Variants in USP15 observed in about 807,000 individuals in gnomAD.
USP15 encodes the protein ubiquitin carboxyl-terminal hydrolase 15.
Under a neutral mutation model 127.1 loss-of-function variants are expected in USP15, and 18 were observed. That is an observed-to-expected ratio of 0.14 (90% CI 0.10 to 0.21). USP15 has a LOEUF of 0.21. Ranked by LOEUF, USP15 falls within the 10% of genes least tolerant of loss-of-function variation. The probability of loss-of-function intolerance (pLI) is 1.00; values close to 1 mark genes in which losing one functional copy is unlikely to be tolerated. For synonymous variants in USP15, 364 were observed against 393.7 expected, an observed-to-expected ratio of 0.92 and a Z score of 0.89; for missense variants, 805 against 1,159.9, an observed-to-expected ratio of 0.69 and a Z score of 4.44.
At chr12:62,305,766 C>T (rs930811829) in intron 3 of USP15, 9 of 152,176 alleles carry the variant, frequency 5.9e-5, no homozygotes, top group African/African-American at 1.9e-4. Flanking sequence ...TCCCCAGCTC[C>T]TCATATCCAT....
At position 62,381,565 on chromosome 12, in the gene USP15, C is replaced by A; in HGVS notation, c.991C>A (p.Pro331Thr). The change falls in exon 9 of 22, where the codon CCC becomes ACC. Residue 331 changes from proline (P) to threonine (T), a missense_variant. Around this residue, in one of 11 missense-constraint regions of USP15, gnomAD observed 84 missense variants for 210.3 expected, o/e 0.40. Transcript: ENST00000280377. Reference protein sequence around the residue: ...KYQEELNFDNPLGMRGEIAKS... With the variant: ...KYQEELNFDNTLGMRGEIAKS... Reference sequence around the variant, plus strand: ...TCAAGAAGAACTGAATTTTGACAATCCCTTAGGAATGAGAGGTGAAATAGC... The same window carrying A: ...TCAAGAAGAACTGAATTTTGACAATACCTTAGGAATGAGAGGTGAAATAGC... The A allele has an allele frequency of 6.2e-7, 1 of 1,613,092 alleles. No individual in the cohort carries two copies. The highest frequency in any genetic ancestry group is 8.5e-7 in the Non-Finnish European group (1 of 1,179,294).
intron 6 of USP15, among the ~76,000 whole-genome samples, chr12:62,346,606 T>G (rs2137408834): frequency 6.6e-6 from 1 of 152,282 alleles, no homozygotes; most frequent in Non-Finnish European, 1.5e-5. Flanking sequence ...CCTTATTAAT[T>G]CTTACCTTTG....
At chr12:62,336,190 C>A in intron 6 of USP15, 1 of 985,274 alleles carries the variant, frequency 1.0e-6, no homozygotes, top group Non-Finnish European at 1.2e-6. Context: ...TATGCTAATC[C>A]TCTCCCCCAG....
intron 14 of USP15, among the ~76,000 whole-genome samples, chr12:62,390,559 A>T (rs2067292287): frequency 6.6e-6 from 1 of 152,132 alleles, no homozygotes; most frequent in Non-Finnish European, 1.5e-5. Flanking sequence ...AGATCACATT[A>T]TACAAATATA....
intron 11 of USP15, among the ~76,000 whole-genome samples, chr12:62,385,952 G>C (rs552963094): frequency 6.6e-6 from 1 of 152,044 alleles, no homozygotes; most frequent in East Asian, 1.9e-4. Flanking sequence ...ATAATATAAG[G>C]TAATCTATAT....
chr12:62,358,568 T>C (rs549684576), intron 8 of USP15, among the ~76,000 whole-genome samples: 83 of 151,850 alleles, frequency 5.5e-4, no homozygotes, highest in Non-Finnish European at 1.0e-3. Context: ...ATACAAAAAT[T>C]AGCCGGGCAT....
intron 7 of USP15, among the ~76,000 whole-genome samples, chr12:62,351,291 CA>C (rs965238826): frequency 1.4e-5 from 2 of 144,920 alleles, no homozygotes; most frequent in African/African-American, 5.1e-5. Flanking sequence ...GTGCACAGGC[CA>C]AAAAAAAAGA....
At chr12:62,366,995 A>G (rs1351198271) in intron 8 of USP15, among the ~76,000 whole-genome samples, 1 of 152,126 alleles carries the variant, frequency 6.6e-6, no homozygotes, top group Non-Finnish European at 1.5e-5. Context: ...CATCAGGGAT[A>G]TTGGCCTGAA....
chr12:62,353,402 G>A (rs2066020479), intron 7 of USP15, among the ~76,000 whole-genome samples: 1 of 151,972 alleles, frequency 6.6e-6, no homozygotes, highest in Non-Finnish European at 1.5e-5. Context: ...TGTTACACGT[G>A]GGGAGAGACA....
Position 62,321,469 on chromosome 12 carries a change from A to G in USP15, c.481A>G (p.Ile161Val), listed in dbSNP as rs531414415. The G allele has an allele frequency of 4.5e-6, 7 of 1,569,132 alleles. No individual in the cohort carries two copies. The highest frequency in any genetic ancestry group is 2.3e-5 in the South Asian group (2 of 86,370). Residue 161 changes from isoleucine (I) to valine (V), a missense_variant, in exon 5 of 22, where the codon ATT becomes GTT. Around this residue, in one of 11 missense-constraint regions of USP15, gnomAD observed 57 missense variants for 47.3 expected, o/e 1.20. Coordinates refer to ENST00000280377, the MANE Select transcript of USP15 (RefSeq NM_001252078.2). ...TCTTTCCTCCTTAAATCTAGATACA[A>G]TTGAAAAGGAAATAAGAAAAATCTT... is the stretch of plus-strand genomic sequence containing the variant. ...RFSKADTIDT[I>V]EKEIRKIFSI...
chr12:62,278,198 C>G (rs1361056865), intron 1 of USP15, among the ~76,000 whole-genome samples: 1 of 152,132 alleles, frequency 6.6e-6, no homozygotes, highest in Admixed American at 6.5e-5. Flanking sequence ...TATCTTGTCC[C>G]ATTGGAAGGT....
At chr12:62,273,837 C>T (rs2063406701) in intron 1 of USP15, among the ~76,000 whole-genome samples, 1 of 151,970 alleles carries the variant, frequency 6.6e-6, no homozygotes, top group Non-Finnish European at 1.5e-5. Flanking sequence ...AAGATACTCA[C>T]TTTGAAAATA....
chr12:62,330,838 A>T (rs1324621292), intron 6 of USP15, among the ~76,000 whole-genome samples: 2 of 150,266 alleles, frequency 1.3e-5, no homozygotes, highest in Admixed American at 1.3e-4. Context: ...GGGTGGGAAG[A>T]TTGCATGAGC....
At chr12:62,305,062 G>A (rs1034174881) in intron 3 of USP15, among the ~76,000 whole-genome samples, 2 of 152,016 alleles carry the variant, frequency 1.3e-5, no homozygotes, top group African/African-American at 4.8e-5. Flanking sequence ...AAAAGCTAAG[G>A]CATAAATGGA....
chr12:62,398,001 T>A (rs987034337), intron 20 of USP15, among the ~76,000 whole-genome samples: 1 of 24,866 alleles, frequency 4.0e-5, no homozygotes, highest in Non-Finnish European at 1.0e-4. Flanking sequence ...TATCTATACG[T>A]TTTTTTTTTG....
At chr12:62,370,561 G>A (rs1262973318) in intron 8 of USP15, among the ~76,000 whole-genome samples, 1 of 152,118 alleles carries the variant, frequency 6.6e-6, no homozygotes, top group Non-Finnish European at 1.5e-5. Flanking sequence ...AAAGTGCTTA[G>A]GAAGTGCTTG....
In USP15 at chr12:62,391,900, C is replaced by T; in HGVS notation, c.2304+14C>T. ...AATGCTGCTGAGGTAAGTCATCACT[C>T]ACTCACTTATTTACCTTTCCTTGAT... is the stretch of plus-strand genomic sequence containing the variant. On this transcript the variant is annotated intron_variant, in intron 17 of 21. Coordinates refer to ENST00000280377, the MANE Select transcript of USP15 (RefSeq NM_001252078.2). 1.3e-6 allele frequency: 2 copies of T among 1,598,796 alleles called. No individual in the cohort carries two copies. The highest frequency in any genetic ancestry group is 1.7e-6 in the Non-Finnish European group (2 of 1,170,016).
intron 1 of USP15, among the ~76,000 whole-genome samples, chr12:62,270,703 A>G (rs545177720): frequency 6.6e-6 from 1 of 152,174 alleles, no homozygotes; most frequent in South Asian, 2.1e-4. Context: ...TAGATTCTAT[A>G]TTTGATTGAC....
chr12:62,314,845 A>T lies in USP15; in HGVS notation c.404A>T (p.Glu135Val). The change falls in exon 4 of 22, where the codon GAA (glutamate) becomes GTA (valine). Residue 135 changes from glutamate (E) to valine (V), a missense_variant. Around this residue, in one of 11 missense-constraint regions of USP15, gnomAD observed 57 missense variants for 47.3 expected, o/e 1.20. Coordinates refer to ENST00000280377, the MANE Select transcript of USP15 (RefSeq NM_001252078.2). The stretch of plus-strand genomic sequence containing the variant: ...TGCAAAGTAGAAGTATATCTCACAG[A>T]ATTGAAGCTATGTGAAAATGGAAAC... ...KHCKVEVYLT[E>V]LKLCENGNMN... The T allele has an allele frequency of 1.3e-6, 2 of 1,598,414 alleles. No individual in the cohort carries two copies. Among genetic ancestry groups the T allele is most frequent in the Non-Finnish European group, 1.7e-6 (2 of 1,172,416 alleles).
Sources: gnomAD v4.1 joint callset for allele counts (sites outside exome capture counted in the v4.1 genomes callset) on GRCh38, gnomAD v4.1.1 for gene constraint, gnomAD v4.1.1 regional missense constraint, MANE v1.5 for transcripts, NCBI Gene and HGNC (gene_info 2026-07-23, HGNC 2026-07-21) for gene names.